The following CDC25B variants were observed in gnomAD, a reference collection of about 807,000 sequenced individuals.
CDC25B encodes cell division cycle 25B, also known as M-phase inducer phosphatase 2.
CDC25B carries 33 observed loss-of-function variants against 69.8 expected under a neutral mutation model. That is an observed-to-expected ratio of 0.47 (90% CI 0.36 to 0.63). CDC25B has a LOEUF of 0.63. CDC25B is among the 30% of genes least tolerant of loss of function. The pLI, the probability that CDC25B is intolerant of heterozygous loss-of-function variation, is 0.00. For missense variants in CDC25B, 727 were observed against 809.1 expected (o/e 0.90, Z 1.23); for synonymous variants, 341 against 314.6 (o/e 1.08, Z -0.89).
chr20:3,795,884 G>T, upstream of CDC25B: 3 of 985,564 alleles, frequency 3.0e-6, no homozygotes, highest in Non-Finnish European at 3.6e-6. Flanking sequence ...GTCCAGGTCT[G>T]TAAAATGGGG....
Position 3,805,906 on chromosome 20 carries a change from G to A in CDC25B, c.*945G>A. ...TTGTTGAGCATGACAGCCTGCAGCAGGAATATATGTGTGCCTATTTGTGTG... is the reference window on the plus strand; with the variant it reads ...TTGTTGAGCATGACAGCCTGCAGCAAGAATATATGTGTGCCTATTTGTGTG... On this transcript the variant is annotated 3_prime_UTR_variant, in exon 16 of 16. Transcript: ENST00000245960. 2.5e-6 allele frequency: 1 copy of A among 403,408 alleles called. No homozygotes were observed. The highest frequency in any genetic ancestry group is 4.4e-6 in the Non-Finnish European group (1 of 227,692). 25.0% of individuals were successfully genotyped at this position (403,408 alleles called of 1,614,324 possible).
chr20:3,798,287 T>A (rs1394289944), intron 2 of CDC25B, 125 bp from the exon 3 acceptor site: 1 of 580,936 alleles, frequency 1.7e-6, no homozygotes, highest in Middle Eastern at 4.2e-4. Flanking sequence ...TTTCATTTTC[T>A]AATGTGTCAA....
rs368877264 is a variant in CDC25B, at chr20:3,797,724, T to C, written c.303T>C (p.Ser101=). The change falls in exon 2 of 16, where the codon TCT becomes TCC. Residue 101 remains serine, a synonymous_variant. Transcript: ENST00000245960. The stretch of plus-strand genomic sequence containing the variant: ...GGGCATCCGAATCCTCCCTGTCGTC[T>C]GAATCCTCCGAATCTTCTGATGCAG... The part of the protein sequence containing the change: ...SRRASESSLS[S]ESSESSDAGL... 2.5e-6 allele frequency: 4 copies of C among 1,614,102 alleles called. No homozygotes were observed. The highest frequency in any genetic ancestry group is 3.4e-6 in the Non-Finnish European group (4 of 1,180,020).
chr20:3,791,116 C>A (rs1271245308), intron 1 of CDC25B, among the ~76,000 whole-genome samples: 1 of 152,216 alleles, frequency 6.6e-6, no homozygotes, highest in Non-Finnish European at 1.5e-5. Context: ...GCCCGTTCTC[C>A]TTAAAGGTTG....
At chr20:3,802,219 C>T (rs760884855) in intron 10 of CDC25B, 62 bp from the exon 11 acceptor site, 174 of 1,562,420 alleles carry the variant, frequency 1.1e-4, no homozygotes, top group Non-Finnish European at 1.4e-4. Flanking sequence ...GGGTACCAGC[C>T]AGCCAGAGCA....
chr20:3,802,236 G>A (rs2089310346), intron 10 of CDC25B, 45 bp from the exon 11 acceptor site: 2 of 1,574,342 alleles, frequency 1.3e-6, no homozygotes, highest in Admixed American at 1.7e-5. Context: ...AGCACTGGGG[G>A]GCAGCCCCAC....
At position 3,796,726 on chromosome 20, in the gene CDC25B, C is replaced by A. The variant is rs373847564; in HGVS notation, c.195C>A (p.Leu65=). The stretch of plus-strand genomic sequence containing the variant: ...AGACCATGCACGACCTCGCCGGGCT[C>A]GGCAGGTAGGACACCCCAAGGAGGC... ...LTQTMHDLAG[L]GSETPKSQVG... The change falls in exon 1 of 16, where the codon CTC becomes CTA. Residue 65 remains leucine (L), a synonymous_variant. Transcript: ENST00000245960. 88 of 1,567,194 alleles carry A rather than the reference C, an allele frequency of 5.6e-5. No individual in the cohort carries two copies. Among genetic ancestry groups the A allele is most frequent in the Non-Finnish European group, 7.2e-5 (84 of 1,166,040 alleles).
upstream of CDC25B, among the ~76,000 whole-genome samples, chr20:3,794,786 T>TGG (rs2088982701): frequency 6.6e-6 from 1 of 152,150 alleles, no homozygotes; most frequent in Non-Finnish European, 1.5e-5. Context: ...ACCCTTCAGA[T>TGG]GCATTGGCCC....
At position 3,803,525 on chromosome 20, in the gene CDC25B, G is replaced by A. The variant is rs1332665483; in HGVS notation, c.1478G>A (p.Arg493His). ...LIFHCEFSSERGPRMCRFIRE... is the reference protein window; with the variant it reads ...LIFHCEFSSEHGPRMCRFIRE... ...TTCCACTGTGAATTCTCATCTGAGC[G>A]TGGGCCCCGCATGTGAGTCCCAGCT... The change falls in exon 14 of 16, where the codon CGT becomes CAT. Residue 493 changes from arginine (R) to histidine (H), a missense_variant. By Grantham distance (29) the Arg-to-His change is conservative. Transcript: ENST00000245960. The surrounding 1 kb of genome is among the most constrained non-coding windows in gnomAD (Gnocchi z 4.9). 7.4e-6 allele frequency: 12 copies of A among 1,613,874 alleles called. No individual in the cohort carries two copies. In the Admixed American group the frequency reaches 1.7e-4, roughly 22 times the overall value.
chr20:3,788,796 CCTTTCCTTCTTT>C (rs1248410275), intron 1 of CDC25B, among the ~76,000 whole-genome samples: 2 of 150,636 alleles, frequency 1.3e-5, no homozygotes, highest in Non-Finnish European at 3.0e-5. Context: ...TCTTTTCCTT[CCTTTCCTTCTTT>C]CTTTCCTTCC....
rs1279008679 is a variant in CDC25B, at chr20:3,796,609, G to C, written c.78G>C (p.Pro26=). The C allele has an allele frequency of 6.9e-7, 1 of 1,441,724 alleles. No individual in the cohort carries two copies. Among genetic ancestry groups the C allele is most frequent in the Non-Finnish European group, 9.1e-7 (1 of 1,101,942 alleles). 89.3% of individuals were successfully genotyped at this position (1,441,724 alleles called of 1,614,324 possible). The change falls in exon 1 of 16, where the codon CCG becomes CCC. Residue 26 remains proline, a synonymous_variant. Transcript: ENST00000245960. ...GCGTGTGCGGTGGCGCCCAGCGTCC[G>C]GGCCACCTCCCGGGCCTCCTGCTGG... ...PAGVCGGAQR[P]GHLPGLLLGS... is the part of the protein sequence containing the mutation.
chr20:3,790,447 C>T (rs1415749363), intron 1 of CDC25B, among the ~76,000 whole-genome samples: 1 of 135,410 alleles, frequency 7.4e-6, no homozygotes, highest in Non-Finnish European at 1.6e-5. Context: ...GGCTCAATCT[C>T]GGCTCACTTC....
Position 3,803,002 on chromosome 20 carries a change from G to C in CDC25B, c.1257+30G>C, listed in dbSNP as rs592687. On this transcript the variant is annotated intron_variant, in intron 12 of 15. Coordinates refer to ENST00000245960, the MANE Select transcript of CDC25B (RefSeq NM_021873.4). The surrounding 1 kb of genome is among the most constrained non-coding windows in gnomAD (Gnocchi z 4.9). The stretch of plus-strand genomic sequence containing the variant: ...ACAGCGTTGCGTCATTTTCTAGGCA[G>C]ATTTGGGACTGTAGCTCCATTGTTG... 1 allele frequency: 1,601,741 copies of C among 1,609,744 alleles called. 796,897 individuals carry two copies. Among genetic ancestry groups the C allele is most frequent in the East Asian group, 1 (44,847 of 44,848 alleles).
Position 3,802,310 on chromosome 20 carries a change from G to C in CDC25B, c.1128G>C (p.Leu376=). The C allele has an allele frequency of 6.2e-7, 1 of 1,610,654 alleles. No individual in the cohort carries two copies. Among genetic ancestry groups the C allele is most frequent in the Non-Finnish European group, 8.5e-7 (1 of 1,179,948 alleles). ...CCCGCGTCCTCCGCTCAAAATCACTGTGTCACGATGAGATCGAGAACCTCC... is the reference window on the plus strand; with the variant it reads ...CCCGCGTCCTCCGCTCAAAATCACTCTGTCACGATGAGATCGAGAACCTCC... ...PKARVLRSKS[L]CHDEIENLLD... The change falls in exon 11 of 16, where the codon CTG becomes CTC. Residue 376 remains leucine (L), a synonymous_variant. Coordinates refer to ENST00000245960, the MANE Select transcript of CDC25B (RefSeq NM_021873.4).
upstream of CDC25B, among the ~76,000 whole-genome samples, chr20:3,792,473 T>C (rs551464715): frequency 1.3e-5 from 2 of 152,002 alleles, no homozygotes; most frequent in East Asian, 3.9e-4. Flanking sequence ...TTTTGTTTGT[T>C]TGTCTGTTTT....
intron 3 of CDC25B, among the ~76,000 whole-genome samples, chr20:3,799,289 G>T (rs1182144068): frequency 6.6e-6 from 1 of 152,192 alleles, no homozygotes; most frequent in Admixed American, 6.5e-5. Flanking sequence ...GGGACTGCAG[G>T]TTGGTTTTGG....
Position 3,804,588 on chromosome 20 carries a change from C to T in CDC25B, c.1510C>T (p.Arg504Ter), listed in dbSNP as rs1016651486. ...GPRMCRFIRE[R>*]DRAVNDYPSL... is the part of the protein sequence containing the mutation. Reference sequence around the variant, plus strand: ...CCCCAGGTGCCGTTTCATCAGGGAACGAGACCGTGCTGTCAACGACTACCC... The same window carrying T: ...CCCCAGGTGCCGTTTCATCAGGGAATGAGACCGTGCTGTCAACGACTACCC... The change falls in exon 15 of 16, where the codon CGA becomes TGA. Residue 504 changes from arginine to a stop codon, truncating the protein, a stop_gained. Transcript: ENST00000245960. LOFTEE classifies it high-confidence loss of function. The T allele has an allele frequency of 4.3e-6, 7 of 1,613,610 alleles. No homozygotes were observed. Among genetic ancestry groups the T allele is most frequent in the East Asian group, 2.2e-5 (1 of 44,894 alleles).
chr20:3,790,584 G>A (rs936789542), intron 1 of CDC25B, among the ~76,000 whole-genome samples: 1 of 151,436 alleles, frequency 6.6e-6, no homozygotes, highest in Admixed American at 6.6e-5. Context: ...CATTTTGGGA[G>A]GCCGAGGCGG....
At chr20:3,795,211 A>T (rs191907140), upstream of CDC25B, among the ~76,000 whole-genome samples, 806 of 152,058 alleles carry the variant, frequency 5.3e-3, 6 homozygotes, top group African/African-American at 0.016. Context: ...AAATACAAAC[A>T]TTAGCTGGGC....
Sources: allele counts gnomAD v4.1 joint callset (sites outside exome capture counted in the v4.1 genomes callset), GRCh38; gene constraint gnomAD v4.1.1; non-coding constraint Gnocchi (gnomAD v3.1); transcripts MANE v1.5; gene names NCBI Gene and HGNC (gene_info 2026-07-23, HGNC 2026-07-21).